LVRN: variants seen among roughly 807,000 people sequenced by gnomAD.
LVRN encodes laeverin.
Under a neutral mutation model 111.4 loss-of-function variants are expected in LVRN, and 99 were observed. The ratio of observed to expected loss-of-function variants is 0.89; its 90% CI spans 0.76 to 1.05. The LOEUF is 1.05. Among genes scored for constraint, LVRN ranks in the 50% least tolerant of loss-of-function variants. The pLI, the probability that LVRN is intolerant of heterozygous loss-of-function variation, is 0.00. For synonymous variants in LVRN, 488 were observed against 449.5 expected (o/e 1.09, Z -1.08); for missense variants, 1,414 against 1,206.8 (o/e 1.17, Z -2.54).
chr5:115,986,990 T>A lies in LVRN; in HGVS notation c.979-823T>A, dbSNP rs78520848. Among the ~76,000 whole-genome samples the A allele has an allele frequency of 5.9e-3, 902 of 152,332 alleles. 11 individuals carry two copies. The highest frequency in any genetic ancestry group is 0.02 in the African/African-American group (820 of 41,588). ...TTCCAAGATCTTTAAGTTTTATGCA[T>A]GTTCTTTAACATTAATGCTGGCAAT... On this transcript the variant is annotated intron_variant, in intron 3 of 19. Transcript: ENST00000357872.
At chr5:116,006,905 T>C (rs977578357) in intron 13 of LVRN, among the ~76,000 whole-genome samples, 8 of 152,248 alleles carry the variant, frequency 5.3e-5, no homozygotes, top group Non-Finnish European at 2.9e-5. Context: ...TCCACCTTGC[T>C]CTTGCTATCA....
In LVRN at chr5:116,026,239, A is replaced by G; in HGVS notation, c.*121A>G. 1 of 1,414,168 alleles carries G rather than the reference A, an allele frequency of 7.1e-7. No homozygotes were observed. The highest frequency in any genetic ancestry group is 9.6e-7 in the Non-Finnish European group (1 of 1,037,736). The allele number at this position is 1,414,168 out of a possible 1,614,324, so 87.6% of individuals were successfully genotyped here. ...TTTTATTTGTATTTCAGTCACATTT[A>G]TTACTCAGAGTGCCATTCTTCTCAT... On this transcript the variant is annotated 3_prime_UTR_variant, in exon 20 of 20. Coordinates refer to ENST00000357872, the MANE Select transcript of LVRN (RefSeq NM_173800.5).
rs1332008044 is a variant in LVRN, at chr5:116,027,251, G to A, written c.*1133G>A. On this transcript the variant is annotated 3_prime_UTR_variant, in exon 20 of 20. Coordinates refer to ENST00000357872, the MANE Select transcript of LVRN (RefSeq NM_173800.5). ...TTTATTTTTATTTTTGTAGAATGGG[G>A]GTAAAACTACAAATCTCCTCCTCAG... 3 of 151,972 alleles carry A rather than the reference G, an allele frequency of 2.0e-5. No homozygotes were observed. Among genetic ancestry groups the A allele is most frequent in the Non-Finnish European group, 2.9e-5 (2 of 67,996 alleles). The allele number at this position is 151,972 out of a possible 1,614,324, so 9.4% of individuals were successfully genotyped here.
chr5:116,005,587 T>C (rs1016435660), intron 12 of LVRN, among the ~76,000 whole-genome samples: 12 of 152,244 alleles, frequency 7.9e-5, no homozygotes, highest in Admixed American at 2.6e-4. Context: ...TACAACTTGA[T>C]GTATACTTGT....
intron 1 of LVRN, 64 bp downstream of exon 1, chr5:115,963,376 G>C: frequency 7.2e-7 from 1 of 1,383,936 alleles, no homozygotes; most frequent in Non-Finnish European, 9.7e-7. Context: ...GCAGGCTGCG[G>C]GTCCAGCTGA....
At chr5:115,993,943 A>G in intron 6 of LVRN, 89 bp downstream of exon 6, 1 of 687,480 alleles carries the variant, frequency 1.5e-6, no homozygotes, top group Non-Finnish European at 2.2e-6. Flanking sequence ...AAAATACAAG[A>G]AAATACAAGA....
At chr5:116,025,844 G>T in intron 19 of LVRN, 134 bp from the exon 20 acceptor site, 1 of 1,100,870 alleles carries the variant, frequency 9.1e-7, no homozygotes, top group East Asian at 2.5e-5. Context: ...ACACAACCTA[G>T]GAGTATACAT....
rs1242816688 is a variant in LVRN, at chr5:115,983,347, T to G, written c.756T>G (p.Asp252Glu). Residue 252 changes from aspartate to glutamate, a missense_variant, in exon 2 of 20, where the codon GAT (aspartate) becomes GAG (glutamate). Physicochemically the swap from Asp to Glu is conservative, Grantham distance 45. Coordinates refer to ENST00000357872, the MANE Select transcript of LVRN (RefSeq NM_173800.5). Reference sequence around the variant, plus strand: ...CCAGGTATGTTTTCCCTTGTTTTGATGAGCCAGCTCTGAAGGCAACTTTTA... The same window carrying G: ...CCAGGTATGTTTTCCCTTGTTTTGAGGAGCCAGCTCTGAAGGCAACTTTTA... Reference protein sequence around the residue: ...TFARYVFPCFDEPALKATFNI... With the variant: ...TFARYVFPCFEEPALKATFNI... 1.9e-6 allele frequency: 3 copies of G among 1,612,102 alleles called. No individual in the cohort carries two copies. Among genetic ancestry groups the G allele is most frequent in the Non-Finnish European group, 2.5e-6 (3 of 1,179,350 alleles).
At chr5:115,982,495 G>A (rs1430323560) in intron 1 of LVRN, among the ~76,000 whole-genome samples, 1 of 152,140 alleles carries the variant, frequency 6.6e-6, no homozygotes, top group African/African-American at 2.4e-5. Flanking sequence ...TGGCAAATGG[G>A]ATAATGAGAC....
intron 1 of LVRN, chr5:115,974,479 G>A (rs188680846): frequency 9.8e-5 from 15 of 152,354 alleles, no homozygotes; most frequent in African/African-American, 3.6e-4. Context: ...TTTTACGTCT[G>A]GTAAGCTAGT....
rs773235089 is a variant in LVRN at position 116,015,766 on chromosome 5, G to C, written c.2756+1G>C. On this transcript the variant is annotated splice_donor_variant, in intron 18 of 19. Transcript: ENST00000357872. LOFTEE classifies it high-confidence loss of function. ...ACAACTGGCAAGCTGTGAGTAAAAGGTAAGAAGGAAAGTGAGACCTTTCTT... is the reference window on the plus strand; with the variant it reads ...ACAACTGGCAAGCTGTGAGTAAAAGCTAAGAAGGAAAGTGAGACCTTTCTT... The C allele has an allele frequency of 2.5e-6, 4 of 1,612,922 alleles. No individual in the cohort carries two copies. In the Admixed American group the frequency reaches 5.0e-5, roughly 20 times the overall value.
chr5:116,000,291 C>T, intron 7 of LVRN, 142 bp from the exon 8 acceptor site: 2 of 1,154,236 alleles, frequency 1.7e-6, no homozygotes, highest in South Asian at 1.3e-5. Context: ...TTTGTTAGCA[C>T]ATTCCAAAAT....
chr5:115,993,529 A>T (rs1407415345), intron 5 of LVRN, among the ~76,000 whole-genome samples: 1 of 152,194 alleles, frequency 6.6e-6, no homozygotes, highest in Non-Finnish European at 1.5e-5. Context: ...ATAATTGAAC[A>T]TGGAATATTT....
chr5:115,999,202 C>CT (rs1415500866), intron 6 of LVRN, among the ~76,000 whole-genome samples: 2 of 152,150 alleles, frequency 1.3e-5, no homozygotes, highest in Non-Finnish European at 2.9e-5. Context: ...GAGAGCTAGT[C>CT]TTTTAAAGAG....
intron 1 of LVRN, among the ~76,000 whole-genome samples, chr5:115,976,631 T>C (rs1004913076): frequency 2.6e-5 from 4 of 152,200 alleles, no homozygotes; most frequent in Admixed American, 6.5e-5. Flanking sequence ...TATGTTGTTT[T>C]TATCTTTTTT....
intron 13 of LVRN, among the ~76,000 whole-genome samples, chr5:116,008,335 C>T (rs1281226783): frequency 1.3e-5 from 2 of 152,012 alleles, no homozygotes; most frequent in African/African-American, 4.8e-5. Flanking sequence ...CAGAGCGAGA[C>T]TCCGTCTAAA....
chr5:116,023,029 C>T (rs1202375765), intron 19 of LVRN, among the ~76,000 whole-genome samples: 1 of 152,184 alleles, frequency 6.6e-6, no homozygotes. Flanking sequence ...AACACTCTAC[C>T]TTCTGTCTGG....
intron 1 of LVRN, among the ~76,000 whole-genome samples, chr5:115,972,525 C>T (rs971728797): frequency 2.0e-5 from 3 of 151,762 alleles, no homozygotes; most frequent in Non-Finnish European, 4.4e-5. Flanking sequence ...CATAGGTTGT[C>T]ATACTGTCTT....
intron 3 of LVRN, among the ~76,000 whole-genome samples, chr5:115,986,522 C>A (rs1747869285): frequency 6.6e-6 from 1 of 152,138 alleles, no homozygotes; most frequent in Non-Finnish European, 1.5e-5. Flanking sequence ...ATGTTCTTAG[C>A]CAGCACACTG....
Sources: gnomAD v4.1 joint callset for allele counts (sites outside exome capture counted in the v4.1 genomes callset) on GRCh38, gnomAD v4.1.1 for gene constraint, MANE v1.5 for transcripts, NCBI Gene and HGNC (gene_info 2026-07-23, HGNC 2026-07-21) for gene names.